The following SEC31B variants were observed in gnomAD, a reference collection of about 807,000 sequenced individuals.
SEC31B encodes the protein SEC31 homolog B, COPII component.
In SEC31B, 113 loss-of-function variants were observed where a neutral mutation model predicts 135.0. That is an observed-to-expected ratio of 0.84 (90% confidence interval 0.72 to 0.98). The LOEUF is 0.98. SEC31B is among the 50% of genes least tolerant of loss of function. SEC31B has a pLI of 0.00. For missense variants in SEC31B, 1,296 were observed against 1,421.1 expected (o/e 0.91, Z 1.42); for synonymous variants, 508 against 549.4 (o/e 0.92, Z 1.05).
chr10:100,502,686 G>A (rs1041501308), intron 10 of SEC31B, among the ~76,000 whole-genome samples: 1 of 152,058 alleles, frequency 6.6e-6, no homozygotes, highest in African/African-American at 2.4e-5. Context: ...GCACTCTTAG[G>A]ACCACCCACT....
At chr10:100,519,372 T>A (rs1028211455) in intron 1 of SEC31B, among the ~76,000 whole-genome samples, 1 of 152,176 alleles carries the variant, frequency 6.6e-6, no homozygotes, top group African/African-American at 2.4e-5. Context: ...GGCAGTCCAG[T>A]CCCTAGGGAG....
chr10:100,503,814 T>C (rs1458706323), intron 10 of SEC31B, among the ~76,000 whole-genome samples: 1 of 152,068 alleles, frequency 6.6e-6, no homozygotes, highest in African/African-American at 2.4e-5. Context: ...ATGTTTGTTA[T>C]ATGGTAAACT....
chr10:100,496,252 A>T lies in SEC31B; in HGVS notation c.2310+6T>A, dbSNP rs1378814347. 5 of 1,613,648 alleles carry T rather than the reference A, an allele frequency of 3.1e-6. No individual in the cohort carries two copies. Among genetic ancestry groups the T allele is most frequent in the Admixed American group, 3.3e-5 (2 of 59,988 alleles). ...TGGTTTGCTCTCTCCACATGGCCCCACTTACCTGAGCACAGTCCCTGGGTA... is the reference window on the plus strand; with the variant it reads ...TGGTTTGCTCTCTCCACATGGCCCCTCTTACCTGAGCACAGTCCCTGGGTA... On this transcript the variant is annotated splice_donor_region_variant and intron_variant, in intron 18 of 25. Coordinates refer to ENST00000370345, the MANE Select transcript of SEC31B (RefSeq NM_015490.4).
In SEC31B at chr10:100,507,586, C is replaced by T. The variant is rs374210488; in HGVS notation, c.640-19G>A. ...AGTGCATCTGTGAACAAAGCAGATC[C>T]CAATGGGTGCTGTAACCTGACTCTT... On this transcript the variant is annotated intron_variant, in intron 6 of 25. Transcript: ENST00000370345. 107 of 1,613,680 alleles carry T rather than the reference C, an allele frequency of 6.6e-5. No individual in the cohort carries two copies. The African/African-American group carries it at 1.3e-3, about 20-fold the overall frequency.
At chr10:100,497,960 G>T in intron 15 of SEC31B, 69 bp downstream of exon 15, 1 of 1,578,858 alleles carries the variant, frequency 6.3e-7, no homozygotes, top group Non-Finnish European at 8.7e-7. Context: ...TGGGTCCCAA[G>T]GTGTGGGTAT....
chr10:100,499,670 G>C, intron 11 of SEC31B, 72 bp from the exon 12 acceptor site: 1 of 1,144,670 alleles, frequency 8.7e-7, no homozygotes, highest in Non-Finnish European at 1.3e-6. Context: ...CAACAAGCTG[G>C]GTATCTGTGC....
At position 100,507,573 on chromosome 10, in the gene SEC31B, A is replaced by T; in HGVS notation, c.640-6T>A. On this transcript the variant is annotated splice_polypyrimidine_tract_variant and splice_region_variant and intron_variant, in intron 6 of 25. Coordinates refer to ENST00000370345, the MANE Select transcript of SEC31B (RefSeq NM_015490.4). ...GCCAGGCCTGAGCAGTGCATCTGTG[A>T]ACAAAGCAGATCCCAATGGGTGCTG... is the stretch of plus-strand genomic sequence containing the variant. 1 of 1,614,186 alleles carries T rather than the reference A, an allele frequency of 6.2e-7. No homozygotes were observed. The highest frequency in any genetic ancestry group is 8.5e-7 in the Non-Finnish European group (1 of 1,179,992).
intron 3 of SEC31B, among the ~76,000 whole-genome samples, chr10:100,515,281 G>T (rs1257816553): frequency 1.3e-5 from 2 of 152,196 alleles, no homozygotes; most frequent in African/African-American, 4.8e-5. Context: ...GACAGAGTAA[G>T]ACCCTGTTCC....
chr10:100,489,617 G>T, intron 22 of SEC31B, 86 bp downstream of exon 22: 2 of 1,584,968 alleles, frequency 1.3e-6, no homozygotes, highest in Non-Finnish European at 1.7e-6. Context: ...GTCTGAGAAG[G>T]GGAAGGACTG....
rs1851286350 is a variant in SEC31B at position 100,490,720 on chromosome 10, G to C, written c.2636C>G (p.Pro879Arg). 1.9e-6 allele frequency: 3 copies of C among 1,589,538 alleles called. No individual in the cohort carries two copies. The highest frequency in any genetic ancestry group is 2.3e-5 in the South Asian group (2 of 87,866). ...PQAIQPLPLS[P>R]GVRPASSQPQ... ...GACTCACTCACCAGGCCTTACCCCA[G>C]GGCTCAAAGGCAAAGGCTGGATGGC... Residue 879 changes from proline (P) to arginine (R), a missense_variant, in exon 20 of 26, where the codon CCT becomes CGT. Physicochemically the swap from Pro to Arg is moderately radical, Grantham distance 103. Coordinates refer to ENST00000370345, the MANE Select transcript of SEC31B (RefSeq NM_015490.4).
chr10:100,500,465 C>A (rs1341699006), intron 11 of SEC31B, among the ~76,000 whole-genome samples: 1 of 152,082 alleles, frequency 6.6e-6, no homozygotes, highest in Admixed American at 6.5e-5. Context: ...CAGGCGCCCT[C>A]AACCACGCCC....
At chr10:100,510,490 A>G (rs932514043) in intron 3 of SEC31B, among the ~76,000 whole-genome samples, 2 of 152,236 alleles carry the variant, frequency 1.3e-5, no homozygotes, top group African/African-American at 4.8e-5. Flanking sequence ...GGTCCTCTGC[A>G]AAGCCCCTAC....
At chr10:100,513,485 T>A (rs1851771080) in intron 3 of SEC31B, among the ~76,000 whole-genome samples, 2 of 152,080 alleles carry the variant, frequency 1.3e-5, no homozygotes, top group South Asian at 2.1e-4. Context: ...TTCTTTTTTT[T>A]AGGCAGGGTC....
At chr10:100,518,818 A>G (rs1589743542) in intron 1 of SEC31B, among the ~76,000 whole-genome samples, 1 of 152,252 alleles carries the variant, frequency 6.6e-6, no homozygotes, top group Non-Finnish European at 1.5e-5. Flanking sequence ...GCGTGAAGAA[A>G]GTTTAAGCCT....
Position 100,497,143 on chromosome 10 carries a change from C to A in SEC31B, c.2128G>T (p.Ala710Ser), listed in dbSNP as rs767314637. 1.9e-6 allele frequency: 3 copies of A among 1,614,022 alleles called. No homozygotes were observed. The highest frequency in any genetic ancestry group is 1.7e-5 in the Admixed American group (1 of 60,008). Residue 710 changes from alanine (A) to serine (S), a missense_variant, in exon 17 of 26, where the codon GCT becomes TCT. Physicochemically the swap from Ala to Ser is moderately conservative, Grantham distance 99. Transcript: ENST00000370345. ...AKCHQALSPM[A>S]LQDLMEKVMV... ...CTGCAGAGAAGGGGTACCTGCAGAGCCATGGGGGACAAAGCCTGGTGGCAT... is the reference window on the plus strand; with the variant it reads ...CTGCAGAGAAGGGGTACCTGCAGAGACATGGGGGACAAAGCCTGGTGGCAT...
chr10:100,518,905 C>A (rs902061615), intron 1 of SEC31B, among the ~76,000 whole-genome samples: 18 of 152,242 alleles, frequency 1.2e-4, no homozygotes, highest in Admixed American at 1.1e-3. Context: ...CAGCTCAACA[C>A]TCTACTATAC....
chr10:100,489,963 G>A, intron 21 of SEC31B, 45 bp downstream of exon 21: 1 of 1,532,968 alleles, frequency 6.5e-7, no homozygotes, highest in Non-Finnish European at 8.7e-7. Context: ...AGAGGAGCAG[G>A]GGAGGCAATA....
chr10:100,495,560 T>A lies in SEC31B; in HGVS notation c.2311-14A>T, dbSNP rs776722292. On this transcript the variant is annotated splice_polypyrimidine_tract_variant and intron_variant, in intron 18 of 25. Coordinates refer to ENST00000370345, the MANE Select transcript of SEC31B (RefSeq NM_015490.4). ...CTGAACTGGTGGCTATAAGTTTTAA[T>A]GAGGAAGAGCTGTGTCAAGAAATTA... The A allele has an allele frequency of 1.4e-5, 22 of 1,608,504 alleles. No individual in the cohort carries two copies. Among genetic ancestry groups the A allele is most frequent in the Non-Finnish European group, 1.9e-5 (22 of 1,177,628 alleles).
chr10:100,490,345 C>A, intron 20 of SEC31B, 23 bp from the exon 21 acceptor site: 1 of 1,597,722 alleles, frequency 6.3e-7, no homozygotes, highest in South Asian at 1.1e-5. Flanking sequence ...AGAAATAGGT[C>A]ATTTGTCACT....
Sources: allele counts gnomAD v4.1 joint callset (sites outside exome capture counted in the v4.1 genomes callset), GRCh38; gene constraint gnomAD v4.1.1; transcripts MANE v1.5; gene names NCBI Gene and HGNC (gene_info 2026-07-23, HGNC 2026-07-21).